Variants in PPA1 observed in about 807,000 individuals in gnomAD.
The protein encoded by PPA1 is inorganic pyrophosphatase 1.
PPA1 carries 23 observed loss-of-function variants against 41.8 expected under a neutral mutation model. The ratio of observed to expected loss-of-function variants is 0.55; its 90% CI spans 0.40 to 0.78. PPA1 has a LOEUF of 0.78. Among genes scored for constraint, PPA1 ranks in the 30% least tolerant of loss-of-function variants. The pLI is 0.00. For synonymous variants in PPA1, 101 were observed against 116.8 expected, an observed-to-expected ratio of 0.86 and a Z score of 0.87; for missense variants, 320 against 361.6, an observed-to-expected ratio of 0.89 and a Z score of 0.93.
At chr10:70,221,074 ATATTTT>A (rs1564584648) in intron 2 of PPA1, among the ~76,000 whole-genome samples, 2 of 20,830 alleles carry the variant, frequency 9.6e-5, no homozygotes, top group African/African-American at 3.2e-4. Flanking sequence ...ATATATATAT[ATATTTT>A]TTTTTTTTTT....
In PPA1 at chr10:70,220,620, AAT is replaced by A. The variant is rs1564584015; in HGVS notation, c.124-1805_124-1804del. ...TATAATTTATATATATATTATATATAATTTATATATATATAATATATATAATT... is the reference window on the plus strand; with the variant it reads ...TATAATTTATATATATATTATATATATTATATATATATAATATATATAATT... On this transcript the variant is annotated intron_variant, in intron 2 of 10. Transcript: ENST00000373232. 2.4e-3 allele frequency among the ~76,000 whole-genome samples: 27 copies of A among 11,262 alleles called. 5 individuals carry two copies. The highest frequency in any genetic ancestry group is 9.3e-3 in the African/African-American group (26 of 2,792). 7.4% of individuals were successfully genotyped at this position (11,262 alleles called of 152,430 possible).
chr10:70,206,470 C>G, intron 8 of PPA1, 137 bp from the exon 9 acceptor site: 2 of 645,506 alleles, frequency 3.1e-6, no homozygotes, highest in Non-Finnish European at 5.7e-6. Context: ...CTACATTTAA[C>G]ATTCTAATTA....
At position 70,217,851 on chromosome 10, in the gene PPA1, C is replaced by T. The variant is rs150314887; in HGVS notation, c.258G>A (p.Pro86=). 5,213 of 1,605,354 alleles carry T rather than the reference C, an allele frequency of 3.2e-3. 15 individuals carry two copies. Among genetic ancestry groups the T allele is most frequent in the Non-Finnish European group, 4.1e-3 (4,775 of 1,174,702 alleles). Residue 86 remains proline (P), a synonymous_variant, in exon 4 of 11, where the codon CCG becomes CCA. Transcript: ENST00000373232. ...GKLRYVANLF[P]YKGYIWNYGA... ...CATAGTTCCAGATATATCCTTTATA[C>T]GGGAACAAATTCGCAACATAGCGAA... is the stretch of plus-strand genomic sequence containing the variant.
intron 2 of PPA1, among the ~76,000 whole-genome samples, chr10:70,228,096 T>C (rs1240338643): frequency 2.0e-5 from 3 of 152,226 alleles, no homozygotes; most frequent in African/African-American, 7.2e-5. Context: ...CACTGAGGTC[T>C]AGACTACTGG....
At chr10:70,219,746 G>C (rs1382723860) in intron 2 of PPA1, among the ~76,000 whole-genome samples, 2 of 152,168 alleles carry the variant, frequency 1.3e-5, no homozygotes, top group African/African-American at 4.8e-5. Context: ...TAAATTCCCA[G>C]ATGTGCAGTT....
chr10:70,214,362 A>G, intron 5 of PPA1, 138 bp downstream of exon 5: 1 of 689,226 alleles, frequency 1.5e-6, no homozygotes, highest in Admixed American at 3.0e-5. Context: ...TTAAAATGCA[A>G]GAAGCCTTTA....
Position 70,209,675 on chromosome 10 carries a change from A to T in PPA1, c.522T>A (p.Asp174Glu). Residue 174 changes from aspartate to glutamate, a missense_variant, in exon 7 of 11, where the codon GAT becomes GAA. Transcript: ENST00000373232. ...PDAANYNDINDVKRLKPGYLE... is the reference protein window; with the variant it reads ...PDAANYNDINEVKRLKPGYLE... ...AGTAGCCAGGTTTCAGCCGTTTGACATCATTGATATCTAAGAAGAGAAGAA... is the reference window on the plus strand; with the variant it reads ...AGTAGCCAGGTTTCAGCCGTTTGACTTCATTGATATCTAAGAAGAGAAGAA... 6.3e-7 allele frequency: 1 copy of T among 1,596,116 alleles called. No individual in the cohort carries two copies. Among genetic ancestry groups the T allele is most frequent in the Non-Finnish European group, 8.6e-7 (1 of 1,168,016 alleles).
Position 70,218,818 on chromosome 10 carries a change from C to T in PPA1, c.124-1G>A, listed in dbSNP as rs1243024700. ...CTTCAACTACCATGTGAAACACATC[C>T]TGAAAAAACAAAGAGAAAGTGAGAT... On this transcript the variant is annotated splice_acceptor_variant, in intron 2 of 10. Transcript: ENST00000373232. LOFTEE classifies it high-confidence loss of function. 4 of 1,610,510 alleles carry T rather than the reference C, an allele frequency of 2.5e-6. No homozygotes were observed. Among genetic ancestry groups the T allele is most frequent in the Non-Finnish European group, 3.4e-6 (4 of 1,177,442 alleles).
intron 4 of PPA1, among the ~76,000 whole-genome samples, chr10:70,215,100 C>A (rs1034944021): frequency 2.0e-5 from 3 of 152,144 alleles, no homozygotes; most frequent in African/African-American, 7.2e-5. Flanking sequence ...GAGGCTGAGG[C>A]AGGAGAATCG....
At chr10:70,207,621 C>T (rs1389723787) in intron 8 of PPA1, among the ~76,000 whole-genome samples, 2 of 152,014 alleles carry the variant, frequency 1.3e-5, no homozygotes, top group African/African-American at 4.8e-5. Flanking sequence ...TATAGTAACA[C>T]TGCACTTCAG....
intron 9 of PPA1, chr10:70,205,194 C>A (rs1839923786): frequency 9.8e-6 from 2 of 203,060 alleles, no homozygotes; most frequent in Non-Finnish European, 1.9e-5. Context: ...ACCAGCCTGG[C>A]CAAGATGGTG....
intron 2 of PPA1, among the ~76,000 whole-genome samples, chr10:70,227,591 C>A (rs1840243719): frequency 7.3e-6 from 1 of 136,910 alleles, no homozygotes; most frequent in Non-Finnish European, 1.5e-5. Flanking sequence ...GTTGAAGCTG[C>A]AGTAAGCCAA....
intron 2 of PPA1, among the ~76,000 whole-genome samples, chr10:70,227,960 T>TA (rs1840250580): frequency 1.3e-5 from 2 of 152,156 alleles, no homozygotes; most frequent in African/African-American, 2.4e-5. Flanking sequence ...GATTTTTTTT[T>TA]TAAGGCTATA....
intron 2 of PPA1, among the ~76,000 whole-genome samples, chr10:70,229,744 AC>A (rs1840268122): frequency 6.6e-6 from 1 of 152,186 alleles, no homozygotes; most frequent in Non-Finnish European, 1.5e-5. Flanking sequence ...ATGAAGTATT[AC>A]GACTTTAGTT....
chr10:70,213,168 A>G (rs562860191), intron 6 of PPA1, among the ~76,000 whole-genome samples: 2 of 152,350 alleles, frequency 1.3e-5, no homozygotes, highest in African/African-American at 4.8e-5. Flanking sequence ...ATATGTGAAT[A>G]TCTCAATTAA....
At chr10:70,203,284 C>G in intron 10 of PPA1, 98 bp from the exon 11 acceptor site, 1 of 1,071,822 alleles carries the variant, frequency 9.3e-7, no homozygotes, top group Non-Finnish European at 1.4e-6. Context: ...TTTAATGAAT[C>G]CTACTATGAA....
At chr10:70,221,076 A>ATATATATATATATATATTTT (rs1224550178) in intron 2 of PPA1, among the ~76,000 whole-genome samples, 1 of 40,050 alleles carries the variant, frequency 2.5e-5, no homozygotes, top group African/African-American at 2.0e-4. Flanking sequence ...ATATATATAT[A>ATATATATATATATATATTTT]TTTTTTTTTT....
Position 70,214,536 on chromosome 10 carries a change from G to A in PPA1, c.348C>T (p.Asp116=), listed in dbSNP as rs371631221. ...HNDKHTGCCG[D]NDPIDVCEIG... is the part of the protein sequence containing the mutation. ...TTTCACACACATCAATTGGGTCATT[G>A]TCACCACAACAGCCAGTATGTTTAT... The change falls in exon 5 of 11, where the codon GAC becomes GAT. Residue 116 remains aspartate, a synonymous_variant. Transcript: ENST00000373232. 102 of 1,613,548 alleles carry A rather than the reference G, an allele frequency of 6.3e-5. No individual in the cohort carries two copies. The highest frequency in any genetic ancestry group is 8.1e-5 in the Non-Finnish European group (95 of 1,179,828).
In PPA1 at chr10:70,204,880, T is replaced by C. The variant is rs1839920656; in HGVS notation, c.831A>G (p.Pro277=). The stretch of plus-strand genomic sequence containing the variant: ...CTGGAATAGAAATCTTACCGTCTGT[T>C]GGTACTGTGCAGGCAGATTCACAGG... The part of the protein sequence containing the change: ...PPPCESACTV[P]TDVDKWFHHQ... Residue 277 remains proline, a synonymous_variant, in exon 10 of 11, where the codon CCA becomes CCG. Coordinates refer to ENST00000373232, the MANE Select transcript of PPA1 (RefSeq NM_021129.4). The C allele has an allele frequency of 1.3e-6, 2 of 1,593,942 alleles. No homozygotes were observed. Among genetic ancestry groups the C allele is most frequent in the Non-Finnish European group, 1.7e-6 (2 of 1,166,076 alleles).
Sources: allele counts gnomAD v4.1 joint callset (sites outside exome capture counted in the v4.1 genomes callset), GRCh38; gene constraint gnomAD v4.1.1; transcripts MANE v1.5; gene names NCBI Gene and HGNC (gene_info 2026-07-23, HGNC 2026-07-21).